PACS1: variants seen among roughly 807,000 people sequenced by gnomAD.
The protein encoded by PACS1 is phosphofurin acidic cluster sorting protein 1, also known as PACS-1.
PACS1 carries 24 observed loss-of-function variants against 115.0 expected under a neutral mutation model. The ratio of observed to expected loss-of-function variants is 0.21; its 90% CI spans 0.15 to 0.29. PACS1 has a LOEUF of 0.29. Among genes scored for constraint, PACS1 ranks in the 10% least tolerant of loss-of-function variants. The probability of loss-of-function intolerance (pLI) is 1.00; values close to 1 mark genes in which losing one functional copy is unlikely to be tolerated. For synonymous variants in PACS1, 453 were observed against 504.5 expected, an observed-to-expected ratio of 0.90 and a Z score of 1.37; for missense variants, 838 against 1,251.2, an observed-to-expected ratio of 0.67 and a Z score of 4.98.
intron 1 of PACS1, among the ~76,000 whole-genome samples, chr11:66,100,408 C>T (rs1048439099): frequency 9.2e-5 from 14 of 152,220 alleles, no homozygotes; most frequent in Admixed American, 3.3e-4. Flanking sequence ...CACATCTGCA[C>T]GTGCCCTCAC....
intron 2 of PACS1, among the ~76,000 whole-genome samples, chr11:66,202,740 AAAATAT>A (rs1263037381): frequency 2.3e-5 from 2 of 85,986 alleles, no homozygotes; most frequent in African/African-American, 1.2e-4. Context: ...AAAAAAAAAA[AAAATAT>A]ATATATATAT....
intron 2 of PACS1, among the ~76,000 whole-genome samples, chr11:66,196,370 T>C (rs1319538718): frequency 2.0e-5 from 3 of 152,256 alleles, no homozygotes; most frequent in Non-Finnish European, 4.4e-5. Flanking sequence ...CACTTCTGCC[T>C]TGCAGCAAAG....
intron 1 of PACS1, among the ~76,000 whole-genome samples, chr11:66,087,638 C>T (rs1857595158): frequency 6.6e-6 from 1 of 152,178 alleles, no homozygotes; most frequent in African/African-American, 2.4e-5. Context: ...CTATGTAGTA[C>T]TGTATTCCAT....
intron 1 of PACS1, among the ~76,000 whole-genome samples, chr11:66,165,682 T>C (rs767656513): frequency 3.3e-5 from 5 of 152,070 alleles, no homozygotes; most frequent in Non-Finnish European, 7.3e-5. Context: ...CAGAAACATA[T>C]TGGAGTTTTT....
chr11:66,078,005 TG>T (rs1428711847), intron 1 of PACS1, among the ~76,000 whole-genome samples: 2 of 152,274 alleles, frequency 1.3e-5, no homozygotes, highest in Middle Eastern at 6.8e-3. Context: ...CCTGGCCAAC[TG>T]TAAGGTTTTT....
chr11:66,217,697 G>T, intron 7 of PACS1: 1 of 441,628 alleles, frequency 2.3e-6, no homozygotes, highest in Non-Finnish European at 4.6e-6. Context: ...TTGTCCTCAG[G>T]TATCCACCTC....
At chr11:66,091,670 C>T (rs192531102) in intron 1 of PACS1, among the ~76,000 whole-genome samples, 3 of 151,470 alleles carry the variant, frequency 2.0e-5, no homozygotes, top group Non-Finnish European at 2.9e-5. Flanking sequence ...ATCCCTCCCC[C>T]CTCCTCCCAC....
chr11:66,095,407 A>T (rs973030062), intron 1 of PACS1, among the ~76,000 whole-genome samples: 4 of 152,206 alleles, frequency 2.6e-5, no homozygotes, highest in African/African-American at 9.6e-5. Context: ...CCAATAACAG[A>T]CAAACAGAGA....
intron 1 of PACS1, among the ~76,000 whole-genome samples, chr11:66,157,847 G>GAA (rs35418819): frequency 0.022 from 3,184 of 147,632 alleles, 132 homozygotes; most frequent in African/African-American, 0.074. Context: ...TAGCCTATGG[G>GAA]AAAAAAAAAA....
chr11:66,146,723 G>A (rs924225767), intron 1 of PACS1, among the ~76,000 whole-genome samples: 3 of 152,120 alleles, frequency 2.0e-5, no homozygotes, highest in Non-Finnish European at 4.4e-5. Flanking sequence ...TCCACACCTA[G>A]GCATATCCTG....
At chr11:66,163,639 T>C (rs1859538224) in intron 1 of PACS1, among the ~76,000 whole-genome samples, 4 of 152,208 alleles carry the variant, frequency 2.6e-5, no homozygotes, top group Non-Finnish European at 1.5e-5. Flanking sequence ...GTGACGTGTA[T>C]TGTTATTTGA....
chr11:66,118,752 G>A (rs1247741142), intron 1 of PACS1, among the ~76,000 whole-genome samples: 3 of 123,188 alleles, frequency 2.4e-5, no homozygotes, highest in Non-Finnish European at 4.8e-5. Context: ...AGGCAACATG[G>A]CGAAACCCCA....
At chr11:66,198,410 G>A (rs77339877) in intron 2 of PACS1, among the ~76,000 whole-genome samples, 2,974 of 152,282 alleles carry the variant, frequency 0.02, 83 homozygotes, top group Admixed American at 0.059. Context: ...ATACAGCTTC[G>A]GAATACTATT....
chr11:66,186,856 G>T (rs1276896023), intron 1 of PACS1, among the ~76,000 whole-genome samples: 7 of 151,972 alleles, frequency 4.6e-5, no homozygotes, highest in Admixed American at 3.9e-4. Flanking sequence ...GTGTAGGCCC[G>T]TAACGTTGCC....
At chr11:66,102,917 A>T (rs893260987) in intron 1 of PACS1, among the ~76,000 whole-genome samples, 1 of 151,248 alleles carries the variant, frequency 6.6e-6, no homozygotes, top group Non-Finnish European at 1.5e-5. Flanking sequence ...TGCAACCTCC[A>T]CCTCCCAGGT....
At chr11:66,127,422 T>G (rs895503264) in intron 1 of PACS1, among the ~76,000 whole-genome samples, 1 of 152,208 alleles carries the variant, frequency 6.6e-6, no homozygotes, top group African/African-American at 2.4e-5. Flanking sequence ...TGGGCCCGAC[T>G]GCATCAAGAG....
At chr11:66,168,752 A>G (rs1789145) in intron 1 of PACS1, among the ~76,000 whole-genome samples, 6,528 of 99,138 alleles carry the variant, frequency 0.066, 572 homozygotes, top group African/African-American at 0.14. Flanking sequence ...ATATATATAT[A>G]TGTGTGTGTG....
chr11:66,216,671 C>G, intron 6 of PACS1, 24 bp from the exon 7 acceptor site: 1 of 1,612,034 alleles, frequency 6.2e-7, no homozygotes, highest in Non-Finnish European at 8.5e-7. Flanking sequence ...TTCCCACCCT[C>G]ATTCTGTCCC....
At chr11:66,157,995 C>G (rs1218992996) in intron 1 of PACS1, among the ~76,000 whole-genome samples, 2 of 152,190 alleles carry the variant, frequency 1.3e-5, no homozygotes, top group Non-Finnish European at 2.9e-5. Flanking sequence ...GGGTCTGGCT[C>G]TGTTGCCCAG....
Sources: allele counts gnomAD v4.1 joint callset (sites outside exome capture counted in the v4.1 genomes callset), GRCh38; gene constraint gnomAD v4.1.1; transcripts MANE v1.5; gene names NCBI Gene and HGNC (gene_info 2026-07-23, HGNC 2026-07-21).